The following SLC25A26 variants were observed in gnomAD, a reference collection of about 807,000 sequenced individuals.
SLC25A26 encodes the protein solute carrier family 25 member 26, also known as mitochondrial S-adenosylmethionine carrier protein.
In SLC25A26, 36 loss-of-function variants were observed where a neutral mutation model predicts 37.8. The observed-to-expected ratio is 0.95, with a 90% CI of 0.73 to 1.26. The LOEUF (loss-of-function observed/expected upper bound fraction) is 1.26. SLC25A26 is among the 50% of genes most tolerant of loss of function. The pLI is 0.00. For synonymous variants in SLC25A26, 129 were observed against 122.5 expected (o/e 1.05, Z -0.35); for missense variants, 390 against 331.1 (o/e 1.18, Z -1.38).
chr3:66,156,832 A>G (rs998710159), intron 1 of SLC25A26, among the ~76,000 whole-genome samples: 1 of 152,096 alleles, frequency 6.6e-6, no homozygotes, highest in Non-Finnish European at 1.5e-5. Flanking sequence ...GTAGTGGGTG[A>G]AGAGAGCTCA....
At chr3:66,175,933 T>A (rs944962948) in intron 1 of SLC25A26, among the ~76,000 whole-genome samples, 2 of 152,140 alleles carry the variant, frequency 1.3e-5, no homozygotes, top group Non-Finnish European at 2.9e-5. Context: ...AGTTGACACA[T>A]AAAATTAATT....
intron 1 of SLC25A26, among the ~76,000 whole-genome samples, chr3:66,215,319 G>A (rs2071344269): frequency 6.6e-6 from 1 of 151,966 alleles, no homozygotes; most frequent in Admixed American, 6.6e-5. Flanking sequence ...TCCTGCTTCA[G>A]CCTCCCGACT....
chr3:66,363,529 T>C (rs2076760846), intron 7 of SLC25A26, among the ~76,000 whole-genome samples: 1 of 152,250 alleles, frequency 6.6e-6, no homozygotes, highest in Non-Finnish European at 1.5e-5. Context: ...ATATGAATTT[T>C]CAAGTGAGGC....
rs528438794 is a variant in SLC25A26 at position 66,137,217 on chromosome 3, CTTTTTTTTTTT to C, written c.-354+3243_-354+3253del. Among the ~76,000 whole-genome samples, 13 of 118,838 alleles carry C rather than the reference CTTTTTTTTTTT, an allele frequency of 1.1e-4. 1 individual carries two copies. Among genetic ancestry groups the C allele is most frequent in the Admixed American group, 5.3e-4 (6 of 11,270 alleles). 78.0% of individuals were successfully genotyped at this position (118,838 alleles called of 152,430 possible). On this transcript the variant is annotated intron_variant, in intron 1 of 10. Transcript: ENST00000676754. Reference sequence around the variant, plus strand: ...ATCTACCTATGCTGTGATTTTCTTTCTTTTTTTTTTTTTTTTTTTTGAGATGGAGTTTTGCT... The same window carrying C: ...ATCTACCTATGCTGTGATTTTCTTTCTTTTTTTTTGAGATGGAGTTTTGCT...
chr3:66,177,753 G>A (rs184893476), intron 1 of SLC25A26, among the ~76,000 whole-genome samples: 1 of 152,330 alleles, frequency 6.6e-6, no homozygotes, highest in East Asian at 1.9e-4. Flanking sequence ...TTTTAGATAT[G>A]AAGTAGGAGT....
chr3:66,176,235 G>T (rs2070585189), intron 1 of SLC25A26, among the ~76,000 whole-genome samples: 1 of 152,148 alleles, frequency 6.6e-6, no homozygotes, highest in South Asian at 2.1e-4. Context: ...GTTTTGAAAA[G>T]CCATCTATGC....
At chr3:66,246,513 C>T (rs2072848291) in intron 3 of SLC25A26, among the ~76,000 whole-genome samples, 1 of 152,008 alleles carries the variant, frequency 6.6e-6, no homozygotes, top group Admixed American at 6.6e-5. Context: ...AAAATTGGAG[C>T]CTTGGAAAAG....
intron 1 of SLC25A26, among the ~76,000 whole-genome samples, chr3:66,139,080 A>T (rs2069994992): frequency 6.6e-6 from 1 of 151,654 alleles, no homozygotes; most frequent in Non-Finnish European, 1.5e-5. Context: ...AGGAGAATGA[A>T]ATTCTAAAGT....
At chr3:66,181,941 C>T (rs1032762024) in intron 1 of SLC25A26, among the ~76,000 whole-genome samples, 1 of 152,082 alleles carries the variant, frequency 6.6e-6, no homozygotes, top group Non-Finnish European at 1.5e-5. Context: ...GGAGCGTGCC[C>T]GTGTGCCCAC....
intron 7 of SLC25A26, among the ~76,000 whole-genome samples, chr3:66,368,226 T>C (rs887697728): frequency 1.3e-5 from 2 of 152,226 alleles, no homozygotes; most frequent in Non-Finnish European, 2.9e-5. Context: ...GTTGCCCTTA[T>C]AACACTGCCT....
chr3:66,277,721 C>G (rs1000944673), intron 5 of SLC25A26, among the ~76,000 whole-genome samples: 1 of 152,054 alleles, frequency 6.6e-6, no homozygotes, highest in Non-Finnish European at 1.5e-5. Context: ...GTTGGAAAGA[C>G]TGGCAGTCAC....
chr3:66,314,915 G>T (rs1376760032), intron 5 of SLC25A26, among the ~76,000 whole-genome samples: 1 of 151,830 alleles, frequency 6.6e-6, no homozygotes, highest in Non-Finnish European at 1.5e-5. Flanking sequence ...TTGCATTGAG[G>T]TGTTTATAGT....
intron 5 of SLC25A26, among the ~76,000 whole-genome samples, chr3:66,334,535 C>T (rs780002451): frequency 6.6e-6 from 1 of 152,064 alleles, no homozygotes; most frequent in Non-Finnish European, 1.5e-5. Flanking sequence ...AGGCTGGTCT[C>T]GAACTTTTGG....
At chr3:66,220,841 C>G (rs782413158), upstream of SLC25A26, 14 of 561,866 alleles carry the variant, frequency 2.5e-5, no homozygotes, top group Non-Finnish European at 4.1e-5. Context: ...GCACACAACG[C>G]TGCTGCAGGA....
At chr3:66,285,972 G>T (rs1171499087) in intron 5 of SLC25A26, among the ~76,000 whole-genome samples, 2 of 152,260 alleles carry the variant, frequency 1.3e-5, no homozygotes, top group South Asian at 2.1e-4. Context: ...TAATGATGTT[G>T]AACATCTTTT....
At chr3:66,172,998 C>T (rs140084436) in intron 1 of SLC25A26, among the ~76,000 whole-genome samples, 6,345 of 152,234 alleles carry the variant, frequency 0.042, 414 homozygotes, top group African/African-American at 0.14. Context: ...AATTTGGAGG[C>T]GGACACATTT....
chr3:66,144,716 C>T (rs952246747), intron 1 of SLC25A26, among the ~76,000 whole-genome samples: 1 of 152,182 alleles, frequency 6.6e-6, no homozygotes, highest in Non-Finnish European at 1.5e-5. Context: ...GATCATTGTG[C>T]ACACGTTCAT....
chr3:66,341,805 T>A (rs569070099), intron 5 of SLC25A26, among the ~76,000 whole-genome samples: 1 of 152,316 alleles, frequency 6.6e-6, no homozygotes, highest in East Asian at 1.9e-4. Context: ...ATGTACGGTG[T>A]AAATAAATGA....
At chr3:66,146,221 C>T (rs1212182801) in intron 1 of SLC25A26, among the ~76,000 whole-genome samples, 1 of 151,728 alleles carries the variant, frequency 6.6e-6, no homozygotes, top group African/African-American at 2.4e-5. Context: ...GCACCTGTAA[C>T]CTCAGCTACT....
Sources: gnomAD v4.1 joint callset for allele counts (sites outside exome capture counted in the v4.1 genomes callset) on GRCh38, gnomAD v4.1.1 for gene constraint, MANE v1.5 for transcripts, NCBI Gene and HGNC (gene_info 2026-07-23, HGNC 2026-07-21) for gene names.